ZNF385D: variants seen among roughly 807,000 people sequenced by gnomAD.
ZNF385D encodes zinc finger protein 659.
A neutral mutation model predicts 35.8 loss-of-function variants in ZNF385D; 15 were observed. The ratio of observed to expected loss-of-function variants is 0.42; its 90% CI spans 0.28 to 0.64. The LOEUF is 0.64. ZNF385D is among the 30% of genes least tolerant of loss of function. ZNF385D has a pLI of 0.23. For missense variants in ZNF385D, 474 were observed against 494.6 expected (o/e 0.96, Z 0.39); for synonymous variants, 212 against 186.8 (o/e 1.13, Z -1.10).
intron 3 of ZNF385D, among the ~76,000 whole-genome samples, chr3:21,882,180 C>T (rs1287478182): frequency 6.6e-6 from 1 of 151,966 alleles, no homozygotes; most frequent in African/African-American, 2.4e-5. Context: ...GAGTAAAATG[C>T]TATCAAACAG....
At chr3:22,014,566 C>A (rs185080439) in intron 3 of ZNF385D, among the ~76,000 whole-genome samples, 1 of 151,976 alleles carries the variant, frequency 6.6e-6, no homozygotes, top group Non-Finnish European at 1.5e-5. Context: ...CCACCTACCC[C>A]CAAAATGCAG....
intron 2 of ZNF385D, among the ~76,000 whole-genome samples, chr3:22,206,222 G>A (rs6797243): frequency 0.17 from 25,244 of 151,846 alleles, 2,270 homozygotes; most frequent in Non-Finnish European, 0.18. Context: ...AATTTATGAA[G>A]AGGATACAAC....
At chr3:22,360,386 A>G (rs1334648927) in intron 2 of ZNF385D, among the ~76,000 whole-genome samples, 1 of 151,928 alleles carries the variant, frequency 6.6e-6, no homozygotes, top group Admixed American at 6.6e-5. Flanking sequence ...ATCCATACAC[A>G]GACGCACTCA....
At chr3:22,297,070 A>G (rs9834280) in intron 2 of ZNF385D, among the ~76,000 whole-genome samples, 10,566 of 152,180 alleles carry the variant, frequency 0.069, 822 homozygotes, top group African/African-American at 0.18. Flanking sequence ...TTTCTGTTAT[A>G]TATTGAATTA....
At chr3:22,016,104 T>A (rs769778402) in intron 3 of ZNF385D, among the ~76,000 whole-genome samples, 2 of 152,152 alleles carry the variant, frequency 1.3e-5, no homozygotes, top group Non-Finnish European at 2.9e-5. Flanking sequence ...AGAGTGCTCA[T>A]AGATTTTCAA....
intron 3 of ZNF385D, among the ~76,000 whole-genome samples, chr3:21,977,406 C>A (rs1429981785): frequency 6.6e-6 from 1 of 152,052 alleles, no homozygotes; most frequent in East Asian, 1.9e-4. Flanking sequence ...TAAACTCCCT[C>A]TGAATATTGG....
chr3:22,282,240 T>C (rs1013340553), intron 2 of ZNF385D, among the ~76,000 whole-genome samples: 1 of 152,078 alleles, frequency 6.6e-6, no homozygotes. Context: ...TTTCATTTAG[T>C]TCTGCTCTGA....
At chr3:22,274,268 T>C (rs1475411903) in intron 2 of ZNF385D, among the ~76,000 whole-genome samples, 1 of 151,964 alleles carries the variant, frequency 6.6e-6, no homozygotes, top group South Asian at 2.1e-4. Context: ...ATACTAAAAC[T>C]AAAATCAAAT....
At chr3:21,486,294 C>T (rs528025438) in intron 4 of ZNF385D, among the ~76,000 whole-genome samples, 1 of 145,912 alleles carries the variant, frequency 6.9e-6, no homozygotes, top group East Asian at 2.0e-4. Context: ...TCACTGTACG[C>T]ATTAATTTAT....
intron 3 of ZNF385D, among the ~76,000 whole-genome samples, chr3:22,037,628 A>C (rs1387688896): frequency 6.6e-6 from 1 of 152,034 alleles, no homozygotes; most frequent in Non-Finnish European, 1.5e-5. Flanking sequence ...AGATGAGTAG[A>C]TTGCAAAAAT....
Position 21,499,667 on chromosome 3 carries a change from G to A in ZNF385D, c.439+11194C>T, listed in dbSNP as rs557326281. On this transcript the variant is annotated intron_variant, in intron 4 of 7. Coordinates refer to ENST00000281523, the MANE Select transcript of ZNF385D (RefSeq NM_024697.3). ...ATTTGAAAAAAAAAAACCAAAAAAC[G>A]AAAAACAATAAAATAAGGCCCAAAT... Among the ~76,000 whole-genome samples the A allele has an allele frequency of 6.0e-5, 9 of 150,516 alleles. No homozygotes were observed. The South Asian group carries it at 6.3e-4, about 11-fold the overall frequency.
chr3:21,447,783 A>G (rs1702233185), intron 4 of ZNF385D, among the ~76,000 whole-genome samples: 1 of 152,212 alleles, frequency 6.6e-6, no homozygotes, highest in Admixed American at 6.5e-5. Context: ...AAGATAGTCA[A>G]GCCAAGTTAT....
chr3:22,085,897 A>T lies in ZNF385D; in HGVS notation c.325+82920T>A, dbSNP rs117429843. On this transcript the variant is annotated intron_variant, in intron 3 of 5. Coordinates refer to the ZNF385D transcript ENST00000494108. ...CATCCCTGAGTTGCAAGGATGGTTT[A>T]ACATATGCAAATCAATAAATGAAAT... Among the ~76,000 whole-genome samples, 61 of 152,362 alleles carry T rather than the reference A, an allele frequency of 4.0e-4. 1 individual carries two copies. The East Asian group carries it at 7.9e-3, about 20-fold the overall frequency.
intron 4 of ZNF385D, among the ~76,000 whole-genome samples, chr3:21,463,206 TAAAAG>T (rs536405923): frequency 0.02 from 962 of 48,112 alleles, 1 homozygote; most frequent in Admixed American, 0.045. Context: ...AGAGTAAAAA[TAAAAG>T]TAGAGCAAAA....
intron 1 of ZNF385D, among the ~76,000 whole-genome samples, chr3:21,705,851 C>T (rs899450660): frequency 6.6e-6 from 1 of 152,176 alleles, no homozygotes; most frequent in Admixed American, 6.5e-5. Context: ...CTGTCCCTTG[C>T]TTCCTGACCC....
chr3:22,210,469 A>C (rs1371361844), intron 2 of ZNF385D, among the ~76,000 whole-genome samples: 1 of 151,866 alleles, frequency 6.6e-6, no homozygotes, highest in African/African-American at 2.4e-5. Context: ...CCATCTAAAG[A>C]ATCCATACAG....
intron 3 of ZNF385D, among the ~76,000 whole-genome samples, chr3:21,810,943 C>A (rs1230897537): frequency 3.7e-5 from 5 of 134,294 alleles, no homozygotes; most frequent in Admixed American, 2.9e-4. Flanking sequence ...CACAGCACAT[C>A]ACACACACAC....
In ZNF385D at chr3:21,421,248, G is replaced by T. The variant is rs1398778316; in HGVS notation, c.1154C>A (p.Thr385Asn). 6.2e-7 allele frequency: 1 copy of T among 1,613,962 alleles called. No individual in the cohort carries two copies. Among genetic ancestry groups the T allele is most frequent in the African/African-American group, 1.3e-5 (1 of 74,888 alleles). Residue 385 changes from threonine to asparagine, a missense_variant, in exon 8 of 8, where the codon ACC becomes AAC. Transcript: ENST00000281523. ...LLRPAPGPIRTAHTPVLFAPY is the reference protein window; with the variant it reads ...LLRPAPGPIRNAHTPVLFAPY Reference sequence around the variant, plus strand: ...AGCAAACAGCACAGGAGTGTGGGCGGTCCGAATGGGTCCAGGAGCTGGCCG... The same window carrying T: ...AGCAAACAGCACAGGAGTGTGGGCGTTCCGAATGGGTCCAGGAGCTGGCCG...
intron 2 of ZNF385D, among the ~76,000 whole-genome samples, chr3:22,212,981 C>T (rs550092757): frequency 1.3e-5 from 2 of 151,974 alleles, no homozygotes; most frequent in South Asian, 2.1e-4. Context: ...GGTTAGAGTG[C>T]ATTTATTTAG....
Sources: allele counts gnomAD v4.1 joint callset (sites outside exome capture counted in the v4.1 genomes callset), GRCh38; gene constraint gnomAD v4.1.1; transcripts MANE v1.5; gene names NCBI Gene and HGNC (gene_info 2026-07-23, HGNC 2026-07-21).